The following QTMAN variants were observed in gnomAD, a reference collection of about 807,000 sequenced individuals.
QTMAN encodes the protein tRNA-queuosine alpha-mannosyltransferase.
the QTMAN span, among the ~76,000 whole-genome samples, chr2:144,173,063 GTTT>G: frequency 6.6e-6 from 1 of 151,900 alleles, no homozygotes; most frequent in Non-Finnish European, 1.5e-5. Context: ...TTCTTTCAGC[GTTT>G]TGAAGGTGTT....
the QTMAN span, among the ~76,000 whole-genome samples, chr2:144,055,481 A>C: frequency 6.6e-6 from 1 of 152,084 alleles, no homozygotes; most frequent in Non-Finnish European, 1.5e-5. Flanking sequence ...CCTATGATGA[A>C]TATTCAATTC....
the QTMAN span, chr2:144,237,278 G>C: frequency 6.6e-6 from 1 of 151,508 alleles, no homozygotes; most frequent in African/African-American, 2.4e-5. Flanking sequence ...TCCAATCTCA[G>C]AGTATGTCAG....
At chr2:144,160,932 T>A in the QTMAN span, among the ~76,000 whole-genome samples, 1 of 152,182 alleles carries the variant, frequency 6.6e-6, no homozygotes, top group Non-Finnish European at 1.5e-5. Flanking sequence ...TCACTTCCTT[T>A]GACAACATGT....
the QTMAN span, among the ~76,000 whole-genome samples, chr2:144,150,751 C>G: frequency 0.014 from 2,096 of 152,146 alleles, 47 homozygotes; most frequent in African/African-American, 0.048. Context: ...TCTTTTCCTT[C>G]TGAGAATTAG....
chr2:144,150,663 T>A, the QTMAN span, among the ~76,000 whole-genome samples: 9,533 of 152,104 alleles, frequency 0.063, 423 homozygotes, highest in Admixed American at 0.15. Flanking sequence ...CCGCTTGTGA[T>A]AACCTAATTT....
chr2:144,253,429 CAGA>C, the QTMAN span, among the ~76,000 whole-genome samples: 1 of 152,064 alleles, frequency 6.6e-6, no homozygotes, highest in South Asian at 2.1e-4. Flanking sequence ...TTGGAGGGCT[CAGA>C]AGAAGACAGG....
the QTMAN span, among the ~76,000 whole-genome samples, chr2:144,040,138 T>A: frequency 1.3e-5 from 2 of 152,358 alleles, no homozygotes; most frequent in East Asian, 3.9e-4. Flanking sequence ...TTGACTTTAA[T>A]ACTTTTAAAT....
chr2:144,231,844 GTGTGTGTGT>G, the QTMAN span, among the ~76,000 whole-genome samples: 2 of 5,260 alleles, frequency 3.8e-4, no homozygotes, highest in Admixed American at 4.9e-3. Flanking sequence ...AATGAAAGAG[GTGTGTGTGT>G]GTGTGTGTGT....
At chr2:144,110,225 G>A in the QTMAN span, among the ~76,000 whole-genome samples, 1 of 152,180 alleles carries the variant, frequency 6.6e-6, no homozygotes, top group Non-Finnish European at 1.5e-5. Flanking sequence ...AAAAGGATGA[G>A]TTCATGTCCT....
At chr2:144,212,231 G>A in the QTMAN span, among the ~76,000 whole-genome samples, 1 of 152,194 alleles carries the variant, frequency 6.6e-6, no homozygotes, top group Admixed American at 6.5e-5. Flanking sequence ...GGGAGGTTGA[G>A]GTAGGTGGAT....
the QTMAN span, among the ~76,000 whole-genome samples, chr2:144,313,886 C>T: frequency 6.6e-6 from 1 of 151,048 alleles, no homozygotes; most frequent in Non-Finnish European, 1.5e-5. Flanking sequence ...TAGTACAAAC[C>T]AATATTCTTG....
chr2:144,280,909 A>T, the QTMAN span, among the ~76,000 whole-genome samples: 1 of 151,662 alleles, frequency 6.6e-6, no homozygotes, highest in African/African-American at 2.4e-5. Context: ...TTTTTTTTTT[A>T]ATTTTATTAT....
At chr2:143,985,848 T>A in the QTMAN span, among the ~76,000 whole-genome samples, 1 of 152,204 alleles carries the variant, frequency 6.6e-6, no homozygotes, top group Non-Finnish European at 1.5e-5. Flanking sequence ...TCTTCATAGT[T>A]TTAATATTTT....
the QTMAN span, among the ~76,000 whole-genome samples, chr2:144,089,484 T>C: frequency 6.6e-6 from 1 of 151,970 alleles, no homozygotes; most frequent in East Asian, 1.9e-4. Flanking sequence ...AAGCAATAAC[T>C]GTACTGGCAG....
At chr2:144,326,537 A>G in the QTMAN span, among the ~76,000 whole-genome samples, 12 of 146,014 alleles carry the variant, frequency 8.2e-5, no homozygotes, top group Admixed American at 6.2e-4. Flanking sequence ...CAGTGAGCCG[A>G]GATTGCGCCA....
the QTMAN span, among the ~76,000 whole-genome samples, chr2:144,071,213 C>A: frequency 6.8e-6 from 1 of 147,916 alleles, no homozygotes. Context: ...TTTTTTCTTA[C>A]TCCATTGGAA....
the QTMAN span, among the ~76,000 whole-genome samples, chr2:144,011,330 C>A: frequency 6.6e-6 from 1 of 151,894 alleles, no homozygotes; most frequent in Admixed American, 6.6e-5. Flanking sequence ...AAAACAAAAC[C>A]AACCACATCC....
At chr2:144,040,290 CTG>C in the QTMAN span, among the ~76,000 whole-genome samples, 1 of 152,066 alleles carries the variant, frequency 6.6e-6, no homozygotes, top group African/African-American at 2.4e-5. Flanking sequence ...AACCTCATGA[CTG>C]TTGTTTTAAA....
the QTMAN span, among the ~76,000 whole-genome samples, chr2:144,326,479 C>T: frequency 2.0e-5 from 3 of 148,372 alleles, no homozygotes; most frequent in East Asian, 2.1e-4. Context: ...CCCAGCTACT[C>T]GGGAGGCTGA....
Sources: allele counts gnomAD v4.1 joint callset (sites outside exome capture counted in the v4.1 genomes callset), GRCh38; gene constraint gnomAD v4.1.1; transcripts MANE v1.5; gene names NCBI Gene and HGNC (gene_info 2026-07-23, HGNC 2026-07-21).